The following SIGMAR1 variants were observed in gnomAD, a reference collection of about 807,000 sequenced individuals.
The protein encoded by SIGMAR1 is sigma non-opioid intracellular receptor 1, also known as SR31747 binding protein 1.
Under a neutral mutation model 25.4 loss-of-function variants are expected in SIGMAR1, and 18 were observed. The observed-to-expected ratio is 0.71, with a 90% CI of 0.49 to 1.05. The LOEUF is 1.05. Among genes scored for constraint, SIGMAR1 ranks in the 50% least tolerant of loss-of-function variants. The pLI, the probability that SIGMAR1 is intolerant of heterozygous loss-of-function variation, is 0.00. For missense variants in SIGMAR1, 249 were observed against 301.6 expected (o/e 0.83, Z 1.29); for synonymous variants, 125 against 131.6 (o/e 0.95, Z 0.34).
At chr9:34,637,510 G>A (rs1820923771) in intron 1 of SIGMAR1, 37 bp downstream of exon 1, 13 of 1,581,778 alleles carry the variant, frequency 8.2e-6, no homozygotes, top group Non-Finnish European at 1.1e-5. Flanking sequence ...TCCGCTCCCA[G>A]GCCGGCCGCT....
At chr9:34,636,883 G>A in intron 3 of SIGMAR1, 114 bp downstream of exon 3, 1 of 849,612 alleles carries the variant, frequency 1.2e-6, no homozygotes, top group Non-Finnish European at 2.0e-6. Flanking sequence ...GTGGAGGAAG[G>A]GAACCATGAG....
In SIGMAR1 at chr9:34,637,208, G is replaced by A. The variant is rs1820901690; in HGVS notation, c.352+12C>T. On this transcript the variant is annotated intron_variant, in intron 2 of 3. Coordinates refer to ENST00000277010, the MANE Select transcript of SIGMAR1 (RefSeq NM_005866.4). ...CCCCAGCCTCCCAGTCTGGCCCGCC[G>A]CTAGCACTGACCCGAGTGGCCGCGG... The A allele has an allele frequency of 1.3e-6, 2 of 1,556,594 alleles. No homozygotes were observed. The highest frequency in any genetic ancestry group is 2.7e-5 in the African/African-American group (2 of 73,838).
chr9:34,637,698 C>T lies in SIGMAR1; in HGVS notation c.-1G>A. Reference sequence around the variant, plus strand: ...ACCGCCGGCCCACGGCCCACTGCATCCCGGCGGGCGGCCTGGCACGGCGCA... The same window carrying T: ...ACCGCCGGCCCACGGCCCACTGCATTCCGGCGGGCGGCCTGGCACGGCGCA... On this transcript the variant is annotated 5_prime_UTR_variant, in exon 1 of 4. Coordinates refer to ENST00000277010, the MANE Select transcript of SIGMAR1 (RefSeq NM_005866.4). The T allele has an allele frequency of 6.6e-7, 1 of 1,522,806 alleles. No individual in the cohort carries two copies. Among genetic ancestry groups the T allele is most frequent in the African/African-American group, 1.4e-5 (1 of 72,556 alleles). The allele number at this position is 1,522,806 out of a possible 1,614,324, so 94.3% of individuals were successfully genotyped here. A position where few individuals can be genotyped will look rare whatever the true frequency, so the allele number is the denominator to read the frequency against.
In SIGMAR1 at chr9:34,635,895, C is replaced by T. The variant is rs1304130351; in HGVS notation, c.446-37G>A. On this transcript the variant is annotated intron_variant, in intron 3 of 3. Transcript: ENST00000277010. The surrounding 1 kb of genome is among the most constrained non-coding windows in gnomAD (Gnocchi z 4.5). ...GGAGCACCCAAGTGAAAAGCCAGCT[C>T]TGCCCTGCCCTTCCATGGCTGCTGC... 6.2e-7 allele frequency: 1 copy of T among 1,612,136 alleles called. No individual in the cohort carries two copies. The highest frequency in any genetic ancestry group is 1.1e-5 in the South Asian group (1 of 91,010).
At chr9:34,636,872 G>T in intron 3 of SIGMAR1, 125 bp downstream of exon 3, 1 of 777,950 alleles carries the variant, frequency 1.3e-6, no homozygotes. Context: ...CTTATGGGAG[G>T]GTGGAGGAAG....
In SIGMAR1 at chr9:34,635,943, A is replaced by T; in HGVS notation, c.446-85T>A. The T allele has an allele frequency of 6.3e-7, 1 of 1,584,084 alleles. No homozygotes were observed. Among genetic ancestry groups the T allele is most frequent in the Non-Finnish European group, 8.6e-7 (1 of 1,166,326 alleles). On this transcript the variant is annotated intron_variant, in intron 3 of 3. Transcript: ENST00000277010. The surrounding 1 kb of genome is among the most constrained non-coding windows in gnomAD (Gnocchi z 4.5). Reference sequence around the variant, plus strand: ...TGCTTCCCTGGCCCATGGACTAACTAGGGGTGGGGAATGGAGAGGGAGCTT... The same window carrying T: ...TGCTTCCCTGGCCCATGGACTAACTTGGGGTGGGGAATGGAGAGGGAGCTT...
At position 34,637,779 on chromosome 9, in the gene SIGMAR1, G is replaced by T; in HGVS notation, c.-82C>A. The T allele has an allele frequency of 3.7e-6, 4 of 1,079,830 alleles. No homozygotes were observed. Among genetic ancestry groups the T allele is most frequent in the Non-Finnish European group, 4.9e-6 (4 of 810,856 alleles). The allele number at this position is 1,079,830 out of a possible 1,614,324, so 66.9% of individuals were successfully genotyped here. ...GCGCTCACGGCCTCGGAGCCCGCCG[G>T]CTGCCCACGAAGCGCTCCCCCGCCA... On this transcript the variant is annotated 5_prime_UTR_variant, in exon 1 of 4. Transcript: ENST00000277010.
In SIGMAR1 at chr9:34,635,839, C is replaced by A. The variant is rs1234646186; in HGVS notation, c.465G>T (p.Gly155=). ...VFYPGETVVH[G]PGEATAVEWG... is the part of the protein sequence containing the mutation. The stretch of plus-strand genomic sequence containing the variant: ...ACTCCACAGCTGTTGCCTCACCAGG[C>A]CCGTGTACTACCGTCTCCCCTGGGG... The change falls in exon 4 of 4, where the codon GGG becomes GGT. Residue 155 remains glycine (G), a synonymous_variant. Coordinates refer to ENST00000277010, the MANE Select transcript of SIGMAR1 (RefSeq NM_005866.4). The surrounding 1 kb of genome is among the most constrained non-coding windows in gnomAD (Gnocchi z 4.5). 2 of 1,614,122 alleles carry A rather than the reference C, an allele frequency of 1.2e-6. No individual in the cohort carries two copies. The highest frequency in any genetic ancestry group is 3.3e-5 in the Admixed American group (2 of 60,028).
At chr9:34,637,455 G>T (rs765193808) in intron 1 of SIGMAR1, 35 bp from the exon 2 acceptor site, 2 of 1,592,000 alleles carry the variant, frequency 1.3e-6, no homozygotes, top group Admixed American at 3.4e-5. Context: ...AGTCAGGGCT[G>T]GCACCGGTCC....
At position 34,637,019 on chromosome 9, in the gene SIGMAR1, G is replaced by T. The variant is rs1820891000; in HGVS notation, c.423C>A (p.Thr141=). ...GTFHQWREGT[T]KSEVFYPGET... ...CACCTGGGTAGAAGACCTCACTTTT[G>T]GTGGTGCCCTCTCTCCACTGGTGGA... The change falls in exon 3 of 4, where the codon ACC becomes ACA. Residue 141 remains threonine (T), a synonymous_variant. Coordinates refer to ENST00000277010, the MANE Select transcript of SIGMAR1 (RefSeq NM_005866.4). 6.2e-7 allele frequency: 1 copy of T among 1,613,998 alleles called. No homozygotes were observed. The highest frequency in any genetic ancestry group is 1.3e-5 in the African/African-American group (1 of 74,938).
Position 34,635,570 on chromosome 9 carries a change from G to A in SIGMAR1, c.*62C>T. Reference sequence around the variant, plus strand: ...TGTCTGTAAACATGGGCTCCAGCAAGTGGATATGTGCGGGCCTGCCCGCTC... The same window carrying A: ...TGTCTGTAAACATGGGCTCCAGCAAATGGATATGTGCGGGCCTGCCCGCTC... On this transcript the variant is annotated 3_prime_UTR_variant, in exon 4 of 4. Coordinates refer to ENST00000277010, the MANE Select transcript of SIGMAR1 (RefSeq NM_005866.4). The surrounding 1 kb of genome is among the most constrained non-coding windows in gnomAD (Gnocchi z 4.5). 6.2e-7 allele frequency: 1 copy of A among 1,607,372 alleles called. No homozygotes were observed. The highest frequency in any genetic ancestry group is 8.5e-7 in the Non-Finnish European group (1 of 1,177,238).
chr9:34,637,167 A>AT, intron 2 of SIGMAR1, 53 bp downstream of exon 2: 1 of 1,582,146 alleles, frequency 6.3e-7, no homozygotes, highest in Non-Finnish European at 8.6e-7. Context: ...AAAGGAGGGC[A>AT]TGGGCCCCTT....
chr9:34,637,721 G>A lies in SIGMAR1; in HGVS notation c.-24C>T, dbSNP rs1220663694. On this transcript the variant is annotated 5_prime_UTR_variant, in exon 1 of 4. Coordinates refer to ENST00000277010, the MANE Select transcript of SIGMAR1 (RefSeq NM_005866.4). ...ATCCCGGCGGGCGGCCTGGCACGGC[G>A]CAGCTCAGGAGGGAGCCGGGGCCTG... 2 of 1,494,294 alleles carry A rather than the reference G, an allele frequency of 1.3e-6. No individual in the cohort carries two copies. The highest frequency in any genetic ancestry group is 2.1e-5 in the Admixed American group (1 of 46,854). 92.6% of individuals were successfully genotyped at this position (1,494,294 alleles called of 1,614,324 possible). A position where few individuals can be genotyped will look rare whatever the true frequency, so the allele number is the denominator to read the frequency against.
rs1820891269 is a variant in SIGMAR1, at chr9:34,637,021, TG to T, written c.420del (p.Thr141ProfsTer12). 1 of 1,614,082 alleles carries T rather than the reference TG, an allele frequency of 6.2e-7. No homozygotes were observed. Among genetic ancestry groups the T allele is most frequent in the Non-Finnish European group, 8.5e-7 (1 of 1,180,046 alleles). Reference protein sequence around the residue: ...SGTFHQWREGTTKSEVFYPGE... With the variant: ...SGTFHQWREGXTKSEVFYPGE... ...CCTGGGTAGAAGACCTCACTTTTGG[TG>T]GTGCCCTCTCTCCACTGGTGGAAGG... On this transcript the variant is annotated frameshift_variant, in exon 3 of 4. Coordinates refer to ENST00000277010, the MANE Select transcript of SIGMAR1 (RefSeq NM_005866.4). LOFTEE classifies it high-confidence loss of function.
chr9:34,637,644 G>A lies in SIGMAR1; in HGVS notation c.54C>T (p.Val18=), dbSNP rs1221125809. The part of the protein sequence containing the change: ...RWAWAALLLA[V]AAVLTQVVWL... ...AGACGACCTGGGTCAGCACCGCTGC[G>A]ACAGCCAGGAGCAGCGCGGCCCACG... Residue 18 remains valine, a synonymous_variant, in exon 1 of 4, where the codon GTC becomes GTT. Transcript: ENST00000277010. The A allele has an allele frequency of 6.5e-7, 1 of 1,537,618 alleles. No homozygotes were observed. Among genetic ancestry groups the A allele is most frequent in the Non-Finnish European group, 8.7e-7 (1 of 1,146,856 alleles).
In SIGMAR1 at chr9:34,635,286, A is replaced by T. The variant is rs1441238943; in HGVS notation, c.*346T>A. The stretch of plus-strand genomic sequence containing the variant: ...CTAGAACCCCGGTTTGGTGGGGAGG[A>T]GGTGGGAAGCTGTGGAGCTATGGAA... On this transcript the variant is annotated 3_prime_UTR_variant, in exon 4 of 4. Coordinates refer to ENST00000277010, the MANE Select transcript of SIGMAR1 (RefSeq NM_005866.4). This position sits in a 1 kb window ranked among gnomAD's most constrained non-coding sequence, Gnocchi z 4.5. The T allele has an allele frequency of 2.7e-6, 1 of 363,738 alleles. No individual in the cohort carries two copies. The highest frequency in any genetic ancestry group is 5.3e-6 in the Non-Finnish European group (1 of 188,866). 22.5% of individuals were successfully genotyped at this position (363,738 alleles called of 1,614,324 possible).
chr9:34,635,603 TC>T lies in SIGMAR1; in HGVS notation c.*28del, dbSNP rs1820817854. Reference sequence around the variant, plus strand: ...GTGCGGGCCTGCCCGCTCCTGTCTATCCGCAGGTCTTCCTTCAGGCCTGGCT... The same window carrying T: ...GTGCGGGCCTGCCCGCTCCTGTCTATCGCAGGTCTTCCTTCAGGCCTGGCT... On this transcript the variant is annotated 3_prime_UTR_variant, in exon 4 of 4. Coordinates refer to ENST00000277010, the MANE Select transcript of SIGMAR1 (RefSeq NM_005866.4). This position sits in a 1 kb window ranked among gnomAD's most constrained non-coding sequence, Gnocchi z 4.5. 1.2e-6 allele frequency: 2 copies of T among 1,613,722 alleles called. No individual in the cohort carries two copies. Among genetic ancestry groups the T allele is most frequent in the South Asian group, 2.2e-5 (2 of 91,014 alleles).
chr9:34,635,984 C>A lies in SIGMAR1; in HGVS notation c.446-126G>T. ...GAGGGAGCTTCAGAAAAACAAAAAG[C>A]CCTACCTCACTGGGCTGGCCCAGAT... is the stretch of plus-strand genomic sequence containing the variant. On this transcript the variant is annotated intron_variant, in intron 3 of 3. Transcript: ENST00000277010. The surrounding 1 kb of genome is among the most constrained non-coding windows in gnomAD (Gnocchi z 4.5). The A allele has an allele frequency of 7.2e-7, 1 of 1,389,930 alleles. No homozygotes were observed. The highest frequency in any genetic ancestry group is 9.8e-7 in the Non-Finnish European group (1 of 1,018,028). 86.1% of individuals were successfully genotyped at this position (1,389,930 alleles called of 1,614,324 possible).
chr9:34,637,462 G>A, intron 1 of SIGMAR1, 42 bp from the exon 2 acceptor site: 1 of 1,588,496 alleles, frequency 6.3e-7, no homozygotes, highest in South Asian at 1.1e-5. Context: ...GCTGGCACCG[G>A]TCCTAGGTCC....
Sources: allele counts gnomAD v4.1 joint callset, GRCh38; gene constraint gnomAD v4.1.1; non-coding constraint Gnocchi (gnomAD v3.1); transcripts MANE v1.5; gene names NCBI Gene and HGNC (gene_info 2026-07-23, HGNC 2026-07-21).